Variants in KIF7 observed in about 807,000 individuals in gnomAD.
The protein encoded by KIF7 is kinesin family member 7.
Under a neutral mutation model 135.7 loss-of-function variants are expected in KIF7, and 104 were observed. That is an observed-to-expected ratio of 0.77 (90% confidence interval 0.65 to 0.90). KIF7 has a LOEUF of 0.90. KIF7 is among the 40% of genes least tolerant of loss of function. The probability of loss-of-function intolerance (pLI) is 0.00; values close to 1 mark genes in which losing one functional copy is unlikely to be tolerated. For missense variants in KIF7, 2,005 were observed against 1,839.1 expected (o/e 1.09, Z -1.65); for synonymous variants, 883 against 809.4 (o/e 1.09, Z -1.54).
chr15:89,640,982 AAC>A (rs1342216969), intron 11 of KIF7, among the ~76,000 whole-genome samples: 1 of 152,166 alleles, frequency 6.6e-6, no homozygotes, highest in Non-Finnish European at 1.5e-5. Context: ...CAGCCTGAGC[AAC>A]AGAGTGAGAC....
At chr15:89,628,905 G>C in intron 18 of KIF7, 71 bp downstream of exon 18, 1 of 1,611,828 alleles carries the variant, frequency 6.2e-7, no homozygotes, top group Non-Finnish European at 8.5e-7. Flanking sequence ...AAAGGCTCGA[G>C]GGAGAGTGGT....
At position 89,642,374 on chromosome 15, in the gene KIF7, G is replaced by C. The variant is rs751746707; in HGVS notation, c.2223C>G (p.His741Gln). 8.1e-6 allele frequency: 13 copies of C among 1,607,132 alleles called. No homozygotes were observed. The highest frequency in any genetic ancestry group is 7.8e-5 in the South Asian group (7 of 90,020). Residue 741 changes from histidine to glutamine, a missense_variant, in exon 11 of 19, where the codon CAC (histidine) becomes CAG (glutamine). His to Gln is a conservative substitution (Grantham distance 24, BLOSUM62 0). Transcript: ENST00000394412. The part of the protein sequence containing the change: ...GKAAQALNRQ[H>Q]SQRIRELEQE... ...GCTCCAGCTCCCGGATACGCTGGCT[G>C]TGCTGGCGGTTCAGGGCCTGAGCTG...
chr15:89,636,709 G>A (rs1963815610), intron 11 of KIF7, among the ~76,000 whole-genome samples: 1 of 63,164 alleles, frequency 1.6e-5, no homozygotes, highest in Non-Finnish European at 3.2e-5. Flanking sequence ...AAGAGACTTA[G>A]ACTCCCACAC....
intron 11 of KIF7, among the ~76,000 whole-genome samples, chr15:89,634,247 C>T (rs941376576): frequency 2.9e-4 from 44 of 152,110 alleles, no homozygotes; most frequent in South Asian, 4.1e-4. Context: ...TGCAGTGAGC[C>T]GGGATCGTGC....
At chr15:89,633,037 A>T in intron 13 of KIF7, 41 bp from the exon 14 acceptor site, 2 of 1,595,126 alleles carry the variant, frequency 1.3e-6, no homozygotes, top group Non-Finnish European at 1.7e-6. Context: ...CTCAGGGCCC[A>T]CCTCTGGCTG....
At position 89,641,850 on chromosome 15, in the gene KIF7, G is replaced by A. The variant is rs144067188; in HGVS notation, c.2394+353C>T. ...GGGTTTGACGGACACATGGACCAACGGATAGACAGACAAGGGAGAATGGGA... is the reference window on the plus strand; with the variant it reads ...GGGTTTGACGGACACATGGACCAACAGATAGACAGACAAGGGAGAATGGGA... On this transcript the variant is annotated intron_variant, in intron 11 of 18. Coordinates refer to ENST00000394412, the MANE Select transcript of KIF7 (RefSeq NM_198525.3). Among the ~76,000 whole-genome samples the A allele has an allele frequency of 8.5e-5, 13 of 152,230 alleles. No individual in the cohort carries two copies. The East Asian group carries it at 1.4e-3, about 16-fold the overall frequency.
chr15:89,633,055 C>G, intron 13 of KIF7, 59 bp from the exon 14 acceptor site: 2 of 1,598,716 alleles, frequency 1.3e-6, no homozygotes, highest in Non-Finnish European at 1.7e-6. Context: ...CTGTGTCAGC[C>G]GCCACTCGAG....
In KIF7 at chr15:89,642,252, C is replaced by T. The variant is rs749948143; in HGVS notation, c.2345G>A (p.Arg782Gln). The T allele has an allele frequency of 2.9e-5, 46 of 1,610,246 alleles. No homozygotes were observed. The highest frequency in any genetic ancestry group is 9.3e-5 in the African/African-American group (7 of 74,894). The change falls in exon 11 of 19, where the codon CGG becomes CAG. Residue 782 changes from arginine (R) to glutamine (Q), a missense_variant. Coordinates refer to ENST00000394412, the MANE Select transcript of KIF7 (RefSeq NM_198525.3). ...KELQDAGERS[R>Q]LQEFRRRVAA... ...GACCCTCCTGCGGAACTCCTGGAGCCGAGACCGCTCGCCAGCATCCTGGAG... is the reference window on the plus strand; with the variant it reads ...GACCCTCCTGCGGAACTCCTGGAGCTGAGACCGCTCGCCAGCATCCTGGAG...
At chr15:89,626,395 G>A (rs1374804939), downstream of KIF7, among the ~76,000 whole-genome samples, 5 of 152,234 alleles carry the variant, frequency 3.3e-5, no homozygotes, top group African/African-American at 1.2e-4. Context: ...GGCCTGTTTA[G>A]AGCTAGTTCC....
intron 11 of KIF7, among the ~76,000 whole-genome samples, chr15:89,634,248 G>A (rs146970984): frequency 0.021 from 3,149 of 152,284 alleles, 117 homozygotes; most frequent in African/African-American, 0.072. Flanking sequence ...GCAGTGAGCC[G>A]GGATCGTGCC....
Position 89,648,590 on chromosome 15 carries a change from T to C in KIF7, c.1108A>G (p.Ser370Gly). 6.6e-7 allele frequency: 1 copy of C among 1,523,882 alleles called. No homozygotes were observed. Among genetic ancestry groups the C allele is most frequent in the Non-Finnish European group, 8.8e-7 (1 of 1,139,594 alleles). The allele number at this position is 1,523,882 out of a possible 1,614,324, so 94.4% of individuals were successfully genotyped here. ...TGCCGTGGCGGACCCCGCGCGCCGC[T>C]CGCCGTCTCTTCGGGTGGCCGCTCG... ...EAERPPEETA[S>G]GARGPPRHRS... Residue 370 changes from serine (S) to glycine (G), a missense_variant, in exon 5 of 19, where the codon AGC becomes GGC. Physicochemically the swap from Ser to Gly is moderately conservative, Grantham distance 56 (BLOSUM62 0). Coordinates refer to ENST00000394412, the MANE Select transcript of KIF7 (RefSeq NM_198525.3).
chr15:89,629,436 C>T lies in KIF7; in HGVS notation c.3456G>A (p.Gln1152=), dbSNP rs769648374. The change falls in exon 17 of 19, where the codon CAG becomes CAA. Residue 1152 remains glutamine, a synonymous_variant. Coordinates refer to ENST00000394412, the MANE Select transcript of KIF7 (RefSeq NM_198525.3). ...LERQRLEMDR[Q]LTLQQKEHEQ... is the part of the protein sequence containing the mutation. ...CGTGCTCCTTCTGCTGCAGGGTCAGCTGGCGGTCCATCTCCAGGCGCTGCC... is the reference window on the plus strand; with the variant it reads ...CGTGCTCCTTCTGCTGCAGGGTCAGTTGGCGGTCCATCTCCAGGCGCTGCC... 5.6e-6 allele frequency: 9 copies of T among 1,608,740 alleles called. No homozygotes were observed. The Admixed American group carries it at 1.0e-4, about 18-fold the overall frequency.
At chr15:89,627,044 T>A (rs149952329), downstream of KIF7, 2 of 1,614,044 alleles carry the variant, frequency 1.2e-6, no homozygotes, top group Non-Finnish European at 1.7e-6. Context: ...GCAGAACTTA[T>A]ACACGGAAGA....
upstream of KIF7, chr15:89,655,492 C>G (rs1042121272): frequency 3.9e-5 from 6 of 152,118 alleles, no homozygotes; most frequent in East Asian, 1.2e-3. Context: ...CCCCGCCCCC[C>G]AAACCAGCCC....
intron 11 of KIF7, among the ~76,000 whole-genome samples, chr15:89,640,053 AAC>A (rs1963888649): frequency 1.3e-5 from 2 of 152,148 alleles, no homozygotes; most frequent in South Asian, 4.2e-4. Context: ...CAAAAAACCA[AAC>A]ACTGCATATT....
chr15:89,628,938 G>A (rs1483722333), intron 18 of KIF7, 38 bp downstream of exon 18: 9 of 1,613,758 alleles, frequency 5.6e-6, no homozygotes, highest in Non-Finnish European at 7.6e-6. Flanking sequence ...CCCAAAGAAA[G>A]GGAACAGGTC....
At chr15:89,641,179 A>G (rs79206979) in intron 11 of KIF7, among the ~76,000 whole-genome samples, 4,338 of 152,060 alleles carry the variant, frequency 0.029, 204 homozygotes, top group African/African-American at 0.099. Flanking sequence ...GCCCTAATCC[A>G]GTATGACCAG....
At chr15:89,640,987 A>G (rs577617387) in intron 11 of KIF7, among the ~76,000 whole-genome samples, 1 of 152,294 alleles carries the variant, frequency 6.6e-6, no homozygotes, top group Non-Finnish European at 1.5e-5. Context: ...TGAGCAACAG[A>G]GTGAGACTCC....
At chr15:89,648,813 C>T (rs1964069713) in intron 4 of KIF7, 39 bp from the exon 5 acceptor site, 1 of 1,510,950 alleles carries the variant, frequency 6.6e-7, no homozygotes, top group Non-Finnish European at 8.8e-7. Context: ...GGCCCCGACG[C>T]TCCAGGCCCA....
Sources: gnomAD v4.1 joint callset for allele counts (sites outside exome capture counted in the v4.1 genomes callset) on GRCh38, gnomAD v4.1.1 for gene constraint, MANE v1.5 for transcripts, NCBI Gene and HGNC (gene_info 2026-07-23, HGNC 2026-07-21) for gene names.